Variants in TENM2 observed in about 807,000 individuals in gnomAD.
TENM2 encodes the protein teneurin-2.
TENM2 carries 52 observed loss-of-function variants against 245.2 expected under a neutral mutation model. The ratio of observed to expected loss-of-function variants is 0.21; its 90% CI spans 0.17 to 0.27. The LOEUF is 0.27. TENM2 is among the 10% of genes least tolerant of loss of function. The pLI is 1.00. For synonymous variants in TENM2, 1,363 were observed against 1,438.9 expected (o/e 0.95, Z 1.19); for missense variants, 3,046 against 3,666.8 (o/e 0.83, Z 4.37).
intron 2 of TENM2, among the ~76,000 whole-genome samples, chr5:167,560,363 C>T (rs1773508155): frequency 9.2e-6 from 1 of 108,900 alleles, no homozygotes; most frequent in African/African-American, 2.5e-5. Context: ...CAAGCATCGC[C>T]TTATTTTTTT....
chr5:166,985,180 G>T, the TENM2 span, among the ~76,000 whole-genome samples: 7,773 of 151,996 alleles, frequency 0.051, 358 homozygotes, highest in East Asian at 0.3. Context: ...AACTATCCAC[G>T]CATCCTCTTC....
chr5:167,017,738 G>A, the TENM2 span, among the ~76,000 whole-genome samples: 60,279 of 151,988 alleles, frequency 0.4, 12,811 homozygotes, highest in Admixed American at 0.54. Context: ...TTTTTTTAGT[G>A]TGAAATTATA....
chr5:167,375,477 G>A lies in TENM2; in HGVS notation c.502+4G>A. 6.4e-7 allele frequency: 1 copy of A among 1,551,482 alleles called. No individual in the cohort carries two copies. Among genetic ancestry groups the A allele is most frequent in the Middle Eastern group, 1.7e-4 (1 of 5,992 alleles). ...AACAAATCAGATGATGAGAACGGTA[G>A]GCCTGCTTCTTAAATACCTTTTAAC... On this transcript the variant is annotated splice_donor_region_variant and intron_variant, in intron 2 of 28. Transcript: ENST00000518659.
chr5:167,209,600 G>A, the TENM2 span, among the ~76,000 whole-genome samples: 1 of 152,056 alleles, frequency 6.6e-6, no homozygotes, highest in Admixed American at 6.6e-5. Flanking sequence ...ACTGCTTAAG[G>A]TTCCCAATTT....
chr5:167,535,193 G>A (rs1771770753), intron 2 of TENM2, among the ~76,000 whole-genome samples: 1 of 151,690 alleles, frequency 6.6e-6, no homozygotes, highest in South Asian at 2.1e-4. Context: ...GGGGTTGGGG[G>A]GTATCTGCTT....
chr5:167,155,730 C>G, the TENM2 span, among the ~76,000 whole-genome samples: 2 of 152,220 alleles, frequency 1.3e-5, no homozygotes, highest in East Asian at 1.9e-4. Flanking sequence ...CTCAAGAATG[C>G]CCCTCTAAGT....
intron 2 of TENM2, among the ~76,000 whole-genome samples, chr5:167,835,555 C>A (rs1254972769): frequency 1.3e-5 from 2 of 152,108 alleles, no homozygotes; most frequent in South Asian, 2.1e-4. Context: ...CCTGGAGAAC[C>A]AGAAATAAAG....
intron 2 of TENM2, among the ~76,000 whole-genome samples, chr5:167,604,362 T>C (rs1776872469): frequency 6.6e-6 from 1 of 152,220 alleles, no homozygotes; most frequent in African/African-American, 2.4e-5. Context: ...AATTACCATT[T>C]CATTGATGAA....
chr5:167,528,022 C>T (rs899231750), intron 2 of TENM2, among the ~76,000 whole-genome samples: 4 of 152,108 alleles, frequency 2.6e-5, no homozygotes, highest in African/African-American at 9.7e-5. Flanking sequence ...TTAATAAGGC[C>T]TTACAAGGTA....
chr5:167,375,160 A>T, intron 1 of TENM2, 38 bp from the exon 4 acceptor site: 1 of 1,535,788 alleles, frequency 6.5e-7, no homozygotes, highest in South Asian at 1.2e-5. Context: ...AAAGCATCTC[A>T]CAAATTTTAA....
At chr5:168,240,125 C>T (rs1443920093) in intron 25 of TENM2, among the ~76,000 whole-genome samples, 1 of 152,198 alleles carries the variant, frequency 6.6e-6, no homozygotes, top group African/African-American at 2.4e-5. Flanking sequence ...GAGGCAGAGA[C>T]ATGAGAATCA....
chr5:167,144,618 C>T, the TENM2 span, among the ~76,000 whole-genome samples: 5,250 of 152,242 alleles, frequency 0.034, 122 homozygotes, highest in Non-Finnish European at 0.049. Context: ...AAGAAAGCGG[C>T]AGGATCCATT....
At chr5:167,332,995 G>T (rs2127794741) in intron 1 of TENM2, among the ~76,000 whole-genome samples, 1 of 152,160 alleles carries the variant, frequency 6.6e-6, no homozygotes, top group Non-Finnish European at 1.5e-5. Context: ...TTGTTTAAAA[G>T]GTAAAGGGGA....
chr5:167,494,779 A>G (rs1768695417), intron 2 of TENM2, among the ~76,000 whole-genome samples: 1 of 152,094 alleles, frequency 6.6e-6, no homozygotes, highest in South Asian at 2.1e-4. Flanking sequence ...CTAACTGTCT[A>G]CCTTAGTCTG....
intron 5 of TENM2, among the ~76,000 whole-genome samples, chr5:168,014,726 A>G (rs187260922): frequency 2.8e-4 from 42 of 152,340 alleles, no homozygotes; most frequent in African/African-American, 1.0e-3. Flanking sequence ...GAACAATGAA[A>G]TGGAAGGATT....
At chr5:167,321,803 G>GT (rs1756753885) in intron 1 of TENM2, among the ~76,000 whole-genome samples, 3 of 6,726 alleles carry the variant, frequency 4.5e-4, no homozygotes, top group Non-Finnish European at 6.9e-4. Context: ...TTTTTTTTTG[G>GT]GGGGGGGGGC....
the TENM2 span, among the ~76,000 whole-genome samples, chr5:167,156,435 T>C: frequency 4.5e-4 from 69 of 152,138 alleles, no homozygotes; most frequent in Admixed American, 1.0e-3. Flanking sequence ...TAAAAATACG[T>C]ATTTGCCTCA....
chr5:167,911,718 C>T (rs1349878734), intron 3 of TENM2, among the ~76,000 whole-genome samples: 2 of 152,056 alleles, frequency 1.3e-5, no homozygotes, highest in Admixed American at 1.3e-4. Context: ...ATTCACGCAG[C>T]GAATATTTAT....
intron 2 of TENM2, among the ~76,000 whole-genome samples, chr5:167,577,241 G>GT (rs1774762491): frequency 2.0e-5 from 3 of 152,266 alleles, no homozygotes; most frequent in South Asian, 2.1e-4. Context: ...AAGTGTATAT[G>GT]TTTTTTCCAA....
Sources: gnomAD v4.1 joint callset for allele counts (sites outside exome capture counted in the v4.1 genomes callset) on GRCh38, gnomAD v4.1.1 for gene constraint, MANE v1.5 for transcripts, NCBI Gene and HGNC (gene_info 2026-07-23, HGNC 2026-07-21) for gene names.